UBR3: variants seen among roughly 807,000 people sequenced by gnomAD.
The protein encoded by UBR3 is E3 ubiquitin-protein ligase UBR3.
UBR3 carries 85 observed loss-of-function variants against 243.2 expected under a neutral mutation model. That is an observed-to-expected ratio of 0.35 (90% CI 0.29 to 0.42). The LOEUF (loss-of-function observed/expected upper bound fraction) is 0.42. Among genes scored for constraint, UBR3 ranks in the 10% least tolerant of loss-of-function variants. UBR3 has a pLI of 1.00. For missense variants in UBR3, 1,686 were observed against 2,300.8 expected (o/e 0.73, Z 5.47); for synonymous variants, 748 against 799.8 (o/e 0.94, Z 1.09).
chr2:169,837,292 C>T (rs531406415), intron 1 of UBR3, among the ~76,000 whole-genome samples: 2 of 152,326 alleles, frequency 1.3e-5, no homozygotes, highest in African/African-American at 4.8e-5. Context: ...GCCTGACCAA[C>T]ATGGAGAAAC....
At chr2:169,992,123 T>C (rs1018999258) in intron 25 of UBR3, among the ~76,000 whole-genome samples, 3 of 152,212 alleles carry the variant, frequency 2.0e-5, no homozygotes, top group African/African-American at 7.2e-5. Flanking sequence ...TATAGGAGAA[T>C]ACTATGACCA....
chr2:169,860,643 A>G (rs531201654), intron 1 of UBR3, among the ~76,000 whole-genome samples: 1 of 152,028 alleles, frequency 6.6e-6, no homozygotes, highest in African/African-American at 2.4e-5. Context: ...ATCTTTTCAT[A>G]TGGTTAAGAA....
intron 1 of UBR3, among the ~76,000 whole-genome samples, chr2:169,860,264 C>T (rs920189742): frequency 6.6e-6 from 1 of 152,092 alleles, no homozygotes; most frequent in Non-Finnish European, 1.5e-5. Context: ...AGAATTTCTG[C>T]ACTTTATGTT....
At chr2:169,985,185 T>C (rs2088940672) in intron 24 of UBR3, among the ~76,000 whole-genome samples, 1 of 151,870 alleles carries the variant, frequency 6.6e-6, no homozygotes, top group Non-Finnish European at 1.5e-5. Flanking sequence ...TCTTCTCTTT[T>C]CTCCCTAAGA....
In UBR3 at chr2:169,832,874, A is replaced by G. The variant is rs376956870; in HGVS notation, c.545+4822A>G. Reference sequence around the variant, plus strand: ...CTTGAACCCAGGAGGCGGAGGTTACAGTGAGCCAAGATCATGCCATTGCAC... The same window carrying G: ...CTTGAACCCAGGAGGCGGAGGTTACGGTGAGCCAAGATCATGCCATTGCAC... On this transcript the variant is annotated intron_variant, in intron 1 of 38. Coordinates refer to ENST00000272793, the MANE Select transcript of UBR3 (RefSeq NM_172070.4). 2.6e-5 allele frequency among the ~76,000 whole-genome samples: 4 copies of G among 151,894 alleles called. No individual in the cohort carries two copies. The South Asian group carries it at 6.3e-4, about 24-fold the overall frequency.
chr2:169,996,751 G>A (rs2089499409), intron 26 of UBR3, among the ~76,000 whole-genome samples: 2 of 145,022 alleles, frequency 1.4e-5, no homozygotes, highest in African/African-American at 2.6e-5. Context: ...AGAGTGCAGT[G>A]GTGCGATCTC....
intron 32 of UBR3, among the ~76,000 whole-genome samples, chr2:170,042,139 C>A (rs1176621105): frequency 6.6e-6 from 1 of 152,170 alleles, no homozygotes; most frequent in African/African-American, 2.4e-5. Context: ...CTCCTTCTCC[C>A]AACCCCTGGA....
At chr2:169,872,443 T>A in intron 2 of UBR3, 68 bp downstream of exon 2, 1 of 1,161,674 alleles carries the variant, frequency 8.6e-7, no homozygotes, top group Non-Finnish European at 1.2e-6. Context: ...TTAGTATTAA[T>A]TATGAGGTGA....
At position 169,942,524 on chromosome 2, in the gene UBR3, C is replaced by T; in HGVS notation, c.2695C>T (p.Pro899Ser). The stretch of plus-strand genomic sequence containing the variant: ...ACAGAGTGGAAAATTTCCTGGAAAT[C>T]CCTGGCCTCCATATAAGAAAAGGAC... ...LKQSGKFPGN[P>S]WPPYKKRTSL... The change falls in exon 20 of 39, where the codon CCC becomes TCC. Residue 899 changes from proline (P) to serine (S), a missense_variant. This residue lies in a region of UBR3 where 346 missense variants were observed against 585.8 expected (regional missense o/e 0.59). Coordinates refer to ENST00000272793, the MANE Select transcript of UBR3 (RefSeq NM_172070.4). The T allele has an allele frequency of 6.5e-7, 1 of 1,549,358 alleles. No homozygotes were observed. Among genetic ancestry groups the T allele is most frequent in the Non-Finnish European group, 8.7e-7 (1 of 1,146,508 alleles).
Position 169,941,223 on chromosome 2 carries a change from A to G in UBR3, c.2664-1270A>G, listed in dbSNP as rs554483056. ...GAATAACAGGAGTGAGTATAGTACA[A>G]TGGTCCCCCTCTTATCCTCAGGACA... On this transcript the variant is annotated intron_variant, in intron 19 of 38. Transcript: ENST00000272793. Among the ~76,000 whole-genome samples, 98 of 152,280 alleles carry G rather than the reference A, an allele frequency of 6.4e-4. 3 individuals carry two copies. The South Asian group carries it at 0.018, about 28-fold the overall frequency.
intron 29 of UBR3, among the ~76,000 whole-genome samples, chr2:170,013,112 A>G (rs1371624811): frequency 6.6e-6 from 1 of 152,174 alleles, no homozygotes; most frequent in African/African-American, 2.4e-5. Context: ...AAAAGCTCGG[A>G]AAACTTCCAC....
At chr2:170,078,183 T>A in intron 36 of UBR3, 1 of 546,860 alleles carries the variant, frequency 1.8e-6, no homozygotes, top group Non-Finnish European at 3.5e-6. Flanking sequence ...TTCTTTGACT[T>A]CTTTGAATGT....
intron 30 of UBR3, among the ~76,000 whole-genome samples, chr2:170,027,862 C>T (rs975506273): frequency 6.6e-6 from 1 of 151,854 alleles, no homozygotes; most frequent in Admixed American, 6.6e-5. Context: ...CCCTTGTTCT[C>T]AGTATCATCT....
chr2:170,058,523 CT>C (rs35381644), intron 33 of UBR3, among the ~76,000 whole-genome samples: 74,112 of 135,438 alleles, frequency 0.55, 19,354 homozygotes, highest in Non-Finnish European at 0.6. Flanking sequence ...TCTTTTCTTC[CT>C]TTTTTTTTTT....
chr2:169,989,810 A>G (rs1432753932), intron 25 of UBR3, among the ~76,000 whole-genome samples: 1 of 152,132 alleles, frequency 6.6e-6, no homozygotes, highest in Non-Finnish European at 1.5e-5. Context: ...AACTCTATTA[A>G]TAACTCTATA....
chr2:169,975,096 G>A (rs988105350), intron 24 of UBR3, among the ~76,000 whole-genome samples: 9 of 152,196 alleles, frequency 5.9e-5, no homozygotes, highest in African/African-American at 2.2e-4. Context: ...CTTGATCCCG[G>A]GAGGTGGAGG....
At chr2:169,898,072 A>G (rs1559071988) in intron 8 of UBR3, among the ~76,000 whole-genome samples, 1 of 152,046 alleles carries the variant, frequency 6.6e-6, no homozygotes, top group Admixed American at 6.6e-5. Flanking sequence ...CCTGTCAAAG[A>G]CTCTTTGATA....
chr2:169,952,621 G>C (rs964267977), intron 23 of UBR3, among the ~76,000 whole-genome samples: 13 of 152,056 alleles, frequency 8.5e-5, no homozygotes, highest in African/African-American at 2.9e-4. Context: ...CTTGAACCTG[G>C]GAGACAGAGG....
intron 24 of UBR3, chr2:169,964,941 G>C (rs1443104312): frequency 2.2e-6 from 1 of 456,858 alleles, no homozygotes; most frequent in Non-Finnish European, 4.4e-6. Flanking sequence ...CCCAGTCTCG[G>C]TTCTTGTATG....
Sources: gnomAD v4.1 joint callset for allele counts (sites outside exome capture counted in the v4.1 genomes callset) on GRCh38, gnomAD v4.1.1 for gene constraint, gnomAD v4.1.1 regional missense constraint, MANE v1.5 for transcripts, NCBI Gene and HGNC (gene_info 2026-07-23, HGNC 2026-07-21) for gene names.